Variants in IFT22 observed in about 807,000 individuals in gnomAD.
IFT22 encodes intraflagellar transport 22, also known as intraflagellar transport protein 22 homolog.
IFT22 carries 13 observed loss-of-function variants against 21.0 expected under a neutral mutation model. That is an observed-to-expected ratio of 0.62 (90% confidence interval 0.40 to 0.98). IFT22 has a LOEUF of 0.98. IFT22 is among the 50% of genes least tolerant of loss of function. IFT22 has a pLI of 0.00. For synonymous variants in IFT22, 67 were observed against 82.4 expected, an observed-to-expected ratio of 0.81 and a Z score of 1.01; for missense variants, 227 against 228.9, an observed-to-expected ratio of 0.99 and a Z score of 0.06.
Position 101,313,205 on chromosome 7 carries a change from G to T in IFT22, c.*1929C>A, listed in dbSNP as rs1236679419. Among the ~76,000 whole-genome samples, 6 of 151,926 alleles carry T rather than the reference G, an allele frequency of 3.9e-5. No homozygotes were observed. The highest frequency in any genetic ancestry group is 2.6e-4 in the Admixed American group (4 of 15,244). On this transcript the variant is annotated 3_prime_UTR_variant, in exon 5 of 5. Coordinates refer to ENST00000315322, the MANE Select transcript of IFT22 (RefSeq NM_022777.4). The stretch of plus-strand genomic sequence containing the variant: ...ATTACAGGTGTGTGCCAACATGCCT[G>T]GCGAATTTTTGTATTTTTAGTAGAG...
At chr7:101,315,348 T>A in intron 4 of IFT22, 66 bp from the exon 5 acceptor site, 2 of 1,532,204 alleles carry the variant, frequency 1.3e-6, no homozygotes, top group Non-Finnish European at 1.8e-6. Flanking sequence ...TAGCTCCCAA[T>A]GAAACTTCTA....
rs1406005744 is a variant in IFT22, at chr7:101,311,766, C to T, written c.*3368G>A. Among the ~76,000 whole-genome samples the T allele has an allele frequency of 6.6e-6, 1 of 152,080 alleles. No individual in the cohort carries two copies. The highest frequency in any genetic ancestry group is 2.4e-5 in the African/African-American group (1 of 41,414). On this transcript the variant is annotated 3_prime_UTR_variant, in exon 5 of 5. Transcript: ENST00000315322. ...GTGGCTCACACCTGTAATCCCAGCA[C>T]TTTGGGAGGCTGAGGCGGGTAGACC...
At position 101,316,488 on chromosome 7, in the gene IFT22, G is replaced by C; in HGVS notation, c.261C>G (p.Val87=). Reference sequence around the variant, plus strand: ...GGTGGCTTGGGATGTCAGCATTGAAGACGATCACCACTCCATGAGCATCCT... The same window carrying C: ...GGTGGCTTGGGATGTCAGCATTGAACACGATCACCACTCCATGAGCATCCT... ...LMKDAHGVVI[V]FNADIPSHRK... Residue 87 remains valine, a synonymous_variant, in exon 4 of 5, where the codon GTC becomes GTG. Coordinates refer to ENST00000315322, the MANE Select transcript of IFT22 (RefSeq NM_022777.4). 2 of 1,614,162 alleles carry C rather than the reference G, an allele frequency of 1.2e-6. No homozygotes were observed. The highest frequency in any genetic ancestry group is 2.2e-5 in the East Asian group (1 of 44,868).
chr7:101,320,937 A>C (rs1790326106), intron 1 of IFT22, among the ~76,000 whole-genome samples: 1 of 152,102 alleles, frequency 6.6e-6, no homozygotes, highest in African/African-American at 2.4e-5. Flanking sequence ...ACTTGAGGTC[A>C]GCAGAGACCA....
intron 1 of IFT22, 98 bp from the exon 2 acceptor site, chr7:101,319,130 G>A: frequency 1.7e-6 from 2 of 1,175,756 alleles, no homozygotes; most frequent in African/African-American, 1.5e-5. Flanking sequence ...GTGTGGTGCA[G>A]TATAGGTCAT....
Position 101,319,041 on chromosome 7 carries a change from A to C in IFT22, c.40-9T>G. On this transcript the variant is annotated splice_polypyrimidine_tract_variant and intron_variant, in intron 1 of 4. Coordinates refer to ENST00000315322, the MANE Select transcript of IFT22 (RefSeq NM_022777.4). ...AAAACAGTTTTTCCACTCTGTGAAA[A>C]TGAGTGCAAATAAAGGTCTTTGCTG... 1 of 1,613,600 alleles carries C rather than the reference A, an allele frequency of 6.2e-7. No homozygotes were observed. Among genetic ancestry groups the C allele is most frequent in the African/African-American group, 1.3e-5 (1 of 75,044 alleles).
rs1790012900 is a variant in IFT22 at position 101,312,686 on chromosome 7, C to T, written c.*2448G>A. ...GAGTAGCTGGGATTACAGGTACCCG[C>T]CACCAGGCCCAGCTAATTTTTTGTG... On this transcript the variant is annotated 3_prime_UTR_variant, in exon 5 of 5. Coordinates refer to ENST00000315322, the MANE Select transcript of IFT22 (RefSeq NM_022777.4). 6.6e-6 allele frequency among the ~76,000 whole-genome samples: 1 copy of T among 151,254 alleles called. No homozygotes were observed. Among genetic ancestry groups the T allele is most frequent in the Admixed American group, 6.6e-5 (1 of 15,112 alleles).
chr7:101,321,610 C>G (rs1046934534), intron 1 of IFT22, 61 bp downstream of exon 1: 6 of 1,525,598 alleles, frequency 3.9e-6, no homozygotes, highest in Non-Finnish European at 4.4e-6. Flanking sequence ...TGGGGACCTG[C>G]GCTCGCCCAG....
In IFT22 at chr7:101,315,245, G is replaced by A. The variant is rs148720859; in HGVS notation, c.447C>T (p.Asn149=). The A allele has an allele frequency of 3.0e-4, 488 of 1,614,096 alleles. No individual in the cohort carries two copies. The African/African-American group carries it at 6.1e-3, about 20-fold the overall frequency. The change falls in exon 5 of 5, where the codon AAC becomes AAT. Residue 149 remains asparagine, a synonymous_variant. Transcript: ENST00000315322. The part of the protein sequence containing the change: ...PLNKLKLVHS[N]LEDDPEEIRM... ...GGATCTCCTCAGGGTCATCTTCCAG[G>A]TTTGAGTGCACCAGCTTCAGCTTGT...
At position 101,313,147 on chromosome 7, in the gene IFT22, A is replaced by G. The variant is rs531537383; in HGVS notation, c.*1987T>C. On this transcript the variant is annotated 3_prime_UTR_variant, in exon 5 of 5. Transcript: ENST00000315322. ...CTGCACCCGGCCTCCAGGCTCAAGCAATTCTTATGCCTCAGCCACATGAGT... is the reference window on the plus strand; with the variant it reads ...CTGCACCCGGCCTCCAGGCTCAAGCGATTCTTATGCCTCAGCCACATGAGT... Among the ~76,000 whole-genome samples, 47 of 151,858 alleles carry G rather than the reference A, an allele frequency of 3.1e-4. No individual in the cohort carries two copies. Among genetic ancestry groups the G allele is most frequent in the African/African-American group, 1.0e-3 (42 of 41,424 alleles).
chr7:101,321,775 T>A lies in IFT22; in HGVS notation c.-66A>T. 1 of 1,455,760 alleles carries A rather than the reference T, an allele frequency of 6.9e-7. No individual in the cohort carries two copies. Among genetic ancestry groups the A allele is most frequent in the Non-Finnish European group, 9.2e-7 (1 of 1,090,932 alleles). 90.2% of individuals were successfully genotyped at this position (1,455,760 alleles called of 1,614,324 possible). A position where few individuals can be genotyped will look rare whatever the true frequency, so the allele number is the denominator to read the frequency against. On this transcript the variant is annotated 5_prime_UTR_variant, in exon 1 of 5. The change creates a new upstream start codon in the 5' untranslated region. Coordinates refer to ENST00000315322, the MANE Select transcript of IFT22 (RefSeq NM_022777.4). ...GCGGCGCGTCAGGACGGAGCTCTAC[T>A]TGGCCGCTTTCGTTTCCATGGCGAC...
Position 101,321,746 on chromosome 7 carries a change from G to T in IFT22, c.-37C>A, listed in dbSNP as rs766430401. ...GCGGCTTAGCCGGCCGGAGCCCACGGGAGGCGGCGCGTCAGGACGGAGCTC... is the reference window on the plus strand; with the variant it reads ...GCGGCTTAGCCGGCCGGAGCCCACGTGAGGCGGCGCGTCAGGACGGAGCTC... On this transcript the variant is annotated 5_prime_UTR_variant, in exon 1 of 5. Transcript: ENST00000315322. 2 of 1,571,600 alleles carry T rather than the reference G, an allele frequency of 1.3e-6. No homozygotes were observed. Among genetic ancestry groups the T allele is most frequent in the East Asian group, 2.3e-5 (1 of 42,962 alleles).
At position 101,315,206 on chromosome 7, in the gene IFT22, T is replaced by C. The variant is rs1790108496; in HGVS notation, c.486A>G (p.Ile162Met). 1.9e-6 allele frequency: 3 copies of C among 1,614,108 alleles called. No individual in the cohort carries two copies. Among genetic ancestry groups the C allele is most frequent in the Non-Finnish European group, 2.5e-6 (3 of 1,179,974 alleles). ...AGTTGATTATGCTTTTTAAATACTTTATGAATTCCATCCGGATCTCCTCAG... is the reference window on the plus strand; with the variant it reads ...AGTTGATTATGCTTTTTAAATACTTCATGAATTCCATCCGGATCTCCTCAG... ...DDPEEIRMEF[I>M]KYLKSIINSM... Residue 162 changes from isoleucine (I) to methionine (M), a missense_variant, in exon 5 of 5, where the codon ATA (isoleucine) becomes ATG (methionine). Coordinates refer to ENST00000315322, the MANE Select transcript of IFT22 (RefSeq NM_022777.4).
At position 101,318,427 on chromosome 7, in the gene IFT22, G is replaced by A. The variant is rs569915325; in HGVS notation, c.117-214C>T. 4.4e-3 allele frequency: 1,795 copies of A among 403,582 alleles called. 8 individuals are homozygous for A. Among genetic ancestry groups the A allele is most frequent in the Non-Finnish European group, 6.7e-3 (1,465 of 217,714 alleles). The allele number at this position is 403,582 out of a possible 1,614,324, so 25.0% of individuals were successfully genotyped here. A position where few individuals can be genotyped will look rare whatever the true frequency, so the allele number is the denominator to read the frequency against. ...CTCAGCTACTGGGGAGGCTAAGGCA[G>A]GAGAATCGCTTGAACCTGGGAGGCG... On this transcript the variant is annotated intron_variant, in intron 2 of 4. Coordinates refer to ENST00000315322, the MANE Select transcript of IFT22 (RefSeq NM_022777.4).
chr7:101,321,453 C>G, intron 1 of IFT22: 1 of 558,440 alleles, frequency 1.8e-6, no homozygotes, highest in East Asian at 3.2e-5. Flanking sequence ...TCATTAACAC[C>G]GGGCTCGCCT....
At chr7:101,316,266 C>G in intron 4 of IFT22, 74 bp downstream of exon 4, 4 of 1,436,676 alleles carry the variant, frequency 2.8e-6, no homozygotes, top group Non-Finnish European at 3.9e-6. Context: ...CTGCTGGTTT[C>G]TAGGACATGG....
Position 101,315,651 on chromosome 7 carries a change from G to A in IFT22, c.410-369C>T, listed in dbSNP as rs1378578354. 8 of 246,518 alleles carry A rather than the reference G, an allele frequency of 3.2e-5. No homozygotes were observed. In the Admixed American group the frequency reaches 4.4e-4, roughly 13 times the overall value. The allele number at this position is 246,518 out of a possible 1,614,324, so 15.3% of individuals were successfully genotyped here. On this transcript the variant is annotated intron_variant, in intron 4 of 4. Coordinates refer to ENST00000315322, the MANE Select transcript of IFT22 (RefSeq NM_022777.4). ...TTTCAGAAAGAGTGCCCCCCTAGTTGTACCCAAGAATAGCTACAAGGATTT... is the reference window on the plus strand; with the variant it reads ...TTTCAGAAAGAGTGCCCCCCTAGTTATACCCAAGAATAGCTACAAGGATTT...
intron 2 of IFT22, chr7:101,318,530 G>A (rs1286328806): frequency 1.1e-5 from 3 of 269,788 alleles, no homozygotes; most frequent in Non-Finnish European, 2.1e-5. Flanking sequence ...AAAAAAAAAA[G>A]ACGAACAGTA....
chr7:101,318,837 T>A (rs1441824382), intron 2 of IFT22, 119 bp downstream of exon 2: 1 of 746,514 alleles, frequency 1.3e-6, no homozygotes, highest in African/African-American at 1.8e-5. Context: ...GGTCTCCCTA[T>A]ATTGCCCAGG....
Sources: allele counts gnomAD v4.1 joint callset (sites outside exome capture counted in the v4.1 genomes callset), GRCh38; gene constraint gnomAD v4.1.1; transcripts MANE v1.5; gene names NCBI Gene and HGNC (gene_info 2026-07-23, HGNC 2026-07-21).